PTPRM: variants seen among roughly 807,000 people sequenced by gnomAD.
PTPRM encodes the protein receptor-type tyrosine-protein phosphatase mu.
PTPRM carries 47 observed loss-of-function variants against 186.7 expected under a neutral mutation model. The ratio of observed to expected loss-of-function variants is 0.25; its 90% CI spans 0.20 to 0.32. The LOEUF is 0.32. Ranked by LOEUF, PTPRM falls within the 10% of genes least tolerant of loss-of-function variation. The pLI, the probability that PTPRM is intolerant of heterozygous loss-of-function variation, is 1.00. For synonymous variants in PTPRM, 668 were observed against 674.9 expected, an observed-to-expected ratio of 0.99 and a Z score of 0.16; for missense variants, 1,494 against 1,865.0, an observed-to-expected ratio of 0.80 and a Z score of 3.66.
At chr18:8,052,215 C>T (rs1365210544) in intron 7 of PTPRM, among the ~76,000 whole-genome samples, 19 of 152,290 alleles carry the variant, frequency 1.2e-4, no homozygotes, top group South Asian at 6.2e-4. Context: ...ACAAGAATCA[C>T]CCAGGCTGCT....
intron 7 of PTPRM, chr18:8,018,206 C>CAA (rs1459091193): frequency 1.2e-4 from 19 of 152,176 alleles, no homozygotes; most frequent in African/African-American, 4.6e-4. Flanking sequence ...TGCTGGAGCC[C>CAA]AGGAGTTCAA....
chr18:7,907,232 C>CCCTG (rs2050031264), intron 4 of PTPRM, among the ~76,000 whole-genome samples: 1 of 152,188 alleles, frequency 6.6e-6, no homozygotes, highest in Non-Finnish European at 1.5e-5. Flanking sequence ...TCTCCCCAAA[C>CCCTG]CCTGCCCCCC....
intron 1 of PTPRM, among the ~76,000 whole-genome samples, chr18:7,578,541 T>C (rs1204815077): frequency 6.6e-6 from 1 of 152,022 alleles, no homozygotes; most frequent in Non-Finnish European, 1.5e-5. Flanking sequence ...TTCACTGTGT[T>C]AGCCAGGATG....
chr18:7,916,431 T>C (rs2050560644), intron 4 of PTPRM, among the ~76,000 whole-genome samples: 1 of 152,202 alleles, frequency 6.6e-6, no homozygotes, highest in Non-Finnish European at 1.5e-5. Flanking sequence ...TTAGTACTTA[T>C]TGTATTTTTT....
intron 22 of PTPRM, among the ~76,000 whole-genome samples, chr18:8,331,802 A>G (rs947310696): frequency 9.7e-4 from 148 of 152,296 alleles, no homozygotes; most frequent in African/African-American, 3.5e-3. Flanking sequence ...CTGTAGACAA[A>G]CATAGGTTGG....
chr18:8,370,203 A>AT (rs2095655676), intron 23 of PTPRM, among the ~76,000 whole-genome samples: 1 of 152,078 alleles, frequency 6.6e-6, no homozygotes, highest in African/African-American at 2.4e-5. Context: ...AAAAAAAAAA[A>AT]AAATACAATT....
chr18:7,921,654 A>T (rs2050873348), intron 4 of PTPRM, among the ~76,000 whole-genome samples: 1 of 152,146 alleles, frequency 6.6e-6, no homozygotes, highest in South Asian at 2.1e-4. Flanking sequence ...TGCTGGGATT[A>T]CAGGCGTGAG....
chr18:7,621,629 C>T lies in PTPRM; in HGVS notation c.73+53738C>T, dbSNP rs373308176. Reference sequence around the variant, plus strand: ...CTCTGTGCTCCATCTATACATCCATCACCTGATTCCAACCCCTGACAACGA... The same window carrying T: ...CTCTGTGCTCCATCTATACATCCATTACCTGATTCCAACCCCTGACAACGA... On this transcript the variant is annotated intron_variant, in intron 1 of 32. Coordinates refer to ENST00000580170, the MANE Select transcript of PTPRM (RefSeq NM_001105244.2). Among the ~76,000 whole-genome samples the T allele has an allele frequency of 2.7e-4, 41 of 152,322 alleles. No individual in the cohort carries two copies. In the South Asian group the frequency reaches 7.3e-3, roughly 27 times the overall value.
intron 14 of PTPRM, among the ~76,000 whole-genome samples, chr18:8,150,187 G>A (rs2092973126): frequency 1.3e-5 from 2 of 152,084 alleles, no homozygotes; most frequent in Admixed American, 1.3e-4. Context: ...TTGAATGTTA[G>A]CCTGTCTTGC....
chr18:7,977,968 T>C (rs2147394843), intron 7 of PTPRM, among the ~76,000 whole-genome samples: 1 of 152,266 alleles, frequency 6.6e-6, no homozygotes, highest in Middle Eastern at 3.4e-3. Flanking sequence ...CTAACTCAAA[T>C]CTTGTTGACT....
chr18:7,723,743 C>A (rs775671754), intron 1 of PTPRM, among the ~76,000 whole-genome samples: 6 of 152,190 alleles, frequency 3.9e-5, no homozygotes, highest in Non-Finnish European at 8.8e-5. Context: ...CCACTTCCAG[C>A]GTTTCCCTTC....
intron 7 of PTPRM, among the ~76,000 whole-genome samples, chr18:8,011,625 C>T (rs6506542): frequency 0.65 from 98,452 of 152,116 alleles, 32,163 homozygotes; most frequent in African/African-American, 0.73. Flanking sequence ...TTCCCTACTC[C>T]TGTCTTTCCA....
At chr18:8,155,187 A>C (rs1024930383) in intron 14 of PTPRM, 2 of 152,208 alleles carry the variant, frequency 1.3e-5, no homozygotes, top group African/African-American at 4.8e-5. Context: ...CTGTATTTTT[A>C]ACATTTTTCA....
Position 8,249,196 on chromosome 18 carries a change from T to A in PTPRM, c.2554+1020T>A, listed in dbSNP as rs541044775. Among the ~76,000 whole-genome samples the A allele has an allele frequency of 5.2e-3, 794 of 152,312 alleles. 7 individuals carry two copies. Among genetic ancestry groups the A allele is most frequent in the African/African-American group, 0.018 (753 of 41,576 alleles). The stretch of plus-strand genomic sequence containing the variant: ...AAGGGTTTATATCTTTCCAACATGA[T>A]TTTTCCCCCCTCTGCTTCTCTTTTC... On this transcript the variant is annotated intron_variant, in intron 17 of 32. Transcript: ENST00000580170.
intron 32 of PTPRM, among the ~76,000 whole-genome samples, chr18:8,397,120 A>G (rs768500599): frequency 9.2e-4 from 140 of 152,360 alleles, no homozygotes; most frequent in Non-Finnish European, 1.5e-3. Context: ...GATGACGAGC[A>G]TGTGCCAGAC....
At chr18:8,293,130 C>T (rs1384438426) in intron 19 of PTPRM, among the ~76,000 whole-genome samples, 1 of 152,132 alleles carries the variant, frequency 6.6e-6, no homozygotes. Context: ...ATAATAAGTG[C>T]TCAGAGATGG....
intron 20 of PTPRM, among the ~76,000 whole-genome samples, chr18:8,308,256 G>A (rs892690810): frequency 6.6e-6 from 1 of 152,206 alleles, no homozygotes; most frequent in Admixed American, 6.5e-5. Context: ...GAGAAGCAAA[G>A]TAGAGAAATC....
intron 23 of PTPRM, among the ~76,000 whole-genome samples, chr18:8,364,005 A>T (rs993005550): frequency 3.9e-5 from 6 of 152,214 alleles, no homozygotes; most frequent in African/African-American, 1.2e-4. Context: ...TTAAGGCAGG[A>T]CCGTAAAGGC....
At chr18:8,229,923 G>A (rs11663517) in intron 14 of PTPRM, among the ~76,000 whole-genome samples, 30,164 of 152,090 alleles carry the variant, frequency 0.2, 3,367 homozygotes, top group African/African-American at 0.3. Flanking sequence ...TCTGGTGCAA[G>A]TTCATTTGCA....
Sources: allele counts gnomAD v4.1 joint callset (sites outside exome capture counted in the v4.1 genomes callset), GRCh38; gene constraint gnomAD v4.1.1; transcripts MANE v1.5; gene names NCBI Gene and HGNC (gene_info 2026-07-23, HGNC 2026-07-21).